ATP8B4: variants seen among roughly 807,000 people sequenced by gnomAD.
ATP8B4 encodes probable phospholipid-transporting ATPase IM.
ATP8B4 carries 133 observed loss-of-function variants against 145.6 expected under a neutral mutation model. That is an observed-to-expected ratio of 0.91 (90% CI 0.79 to 1.05). ATP8B4 has a LOEUF of 1.05. Ranked by LOEUF, ATP8B4 falls within the 50% of genes least tolerant of loss-of-function variation. The pLI is 0.00. For synonymous variants in ATP8B4, 507 were observed against 492.9 expected (o/e 1.03, Z -0.38); for missense variants, 1,458 against 1,425.2 (o/e 1.02, Z -0.37).
intron 1 of ATP8B4, among the ~76,000 whole-genome samples, chr15:50,180,228 T>C (rs1455311124): frequency 6.6e-6 from 1 of 152,080 alleles, no homozygotes; most frequent in Non-Finnish European, 1.5e-5. Context: ...TTCCTGTACT[T>C]CTCTCTGAAG....
At chr15:50,174,999 C>A (rs2044740966) in intron 1 of ATP8B4, among the ~76,000 whole-genome samples, 1 of 152,120 alleles carries the variant, frequency 6.6e-6, no homozygotes, top group African/African-American at 2.4e-5. Flanking sequence ...CAAATATTTA[C>A]AGCCAACTCA....
At chr15:49,971,801 A>T (rs1274870115) in intron 13 of ATP8B4, among the ~76,000 whole-genome samples, 1 of 152,162 alleles carries the variant, frequency 6.6e-6, no homozygotes, top group African/African-American at 2.4e-5. Context: ...AAATCATTCT[A>T]CTGTAAAGAC....
At chr15:50,093,030 G>A (rs576902632) in intron 2 of ATP8B4, among the ~76,000 whole-genome samples, 2 of 151,956 alleles carry the variant, frequency 1.3e-5, no homozygotes, top group African/African-American at 4.8e-5. Flanking sequence ...GTCAGTGGAG[G>A]CCTGAATGCA....
At chr15:50,056,689 A>G (rs1265307006) in intron 3 of ATP8B4, among the ~76,000 whole-genome samples, 2 of 145,450 alleles carry the variant, frequency 1.4e-5, no homozygotes, top group Non-Finnish European at 3.0e-5. Flanking sequence ...CAATATATGT[A>G]TATGTATATG....
At chr15:49,959,960 G>GA (rs1267822013) in intron 14 of ATP8B4, among the ~76,000 whole-genome samples, 5 of 149,308 alleles carry the variant, frequency 3.3e-5, no homozygotes, top group East Asian at 1.9e-4. Context: ...AAATCTAGGG[G>GA]AAAAAAAGAG....
At chr15:50,025,792 C>T (rs1441958948) in intron 6 of ATP8B4, among the ~76,000 whole-genome samples, 1 of 152,214 alleles carries the variant, frequency 6.6e-6, no homozygotes, top group Non-Finnish European at 1.5e-5. Context: ...TTTGGGTTGA[C>T]CTGCATTTGC....
upstream of ATP8B4, among the ~76,000 whole-genome samples, chr15:50,122,853 G>A (rs950735040): frequency 2.0e-5 from 3 of 152,144 alleles, no homozygotes; most frequent in Non-Finnish European, 4.4e-5. Flanking sequence ...AGAACATTGT[G>A]TAAATTACTC....
chr15:50,134,064 T>G (rs2044087846), intron 1 of ATP8B4, among the ~76,000 whole-genome samples: 1 of 152,214 alleles, frequency 6.6e-6, no homozygotes, highest in Admixed American at 6.5e-5. Flanking sequence ...ACAATGTATA[T>G]GTATATCAAA....
At chr15:50,009,944 G>A (rs2048601649) in intron 7 of ATP8B4, among the ~76,000 whole-genome samples, 1 of 152,172 alleles carries the variant, frequency 6.6e-6, no homozygotes, top group South Asian at 2.1e-4. Context: ...AGTCTCCTTA[G>A]TGTGGGTTGT....
intron 2 of ATP8B4, among the ~76,000 whole-genome samples, chr15:50,084,845 T>C (rs2054790422): frequency 6.6e-6 from 1 of 152,080 alleles, no homozygotes; most frequent in Non-Finnish European, 1.5e-5. Context: ...CCCTCCTGCC[T>C]CCCTCTGATA....
chr15:50,055,561 C>T (rs1369836551), intron 3 of ATP8B4, among the ~76,000 whole-genome samples: 1 of 152,116 alleles, frequency 6.6e-6, no homozygotes, highest in East Asian at 1.9e-4. Flanking sequence ...CATCATCCCA[C>T]ATTTGATGAA....
At chr15:49,867,452 T>G (rs757329808) in intron 25 of ATP8B4, among the ~76,000 whole-genome samples, 32 of 152,316 alleles carry the variant, frequency 2.1e-4, no homozygotes, top group Non-Finnish European at 4.3e-4. Flanking sequence ...TTTATAAAAG[T>G]ACAGCCTTTT....
intron 21 of ATP8B4, among the ~76,000 whole-genome samples, chr15:49,900,455 A>G (rs1431401436): frequency 6.6e-6 from 1 of 152,220 alleles, no homozygotes; most frequent in East Asian, 1.9e-4. Context: ...ACTGGAGCGT[A>G]ATTGGAGCTT....
At chr15:50,175,349 T>C (rs1024777091) in intron 1 of ATP8B4, among the ~76,000 whole-genome samples, 30 of 152,134 alleles carry the variant, frequency 2.0e-4, no homozygotes, top group African/African-American at 5.5e-4. Context: ...GCAGAGTAAA[T>C]AGACAATCCA....
At chr15:49,862,782 G>A (rs149451259) in intron 26 of ATP8B4, among the ~76,000 whole-genome samples, 125 of 152,212 alleles carry the variant, frequency 8.2e-4, no homozygotes, top group African/African-American at 2.6e-3. Context: ...GTGAGATTTG[G>A]ATCACCTAAT....
intron 9 of ATP8B4, among the ~76,000 whole-genome samples, chr15:49,993,384 G>A (rs982216008): frequency 4.6e-5 from 7 of 151,920 alleles, no homozygotes; most frequent in Non-Finnish European, 1.0e-4. Flanking sequence ...TAGTGTGTGT[G>A]TGTGTGTCAG....
At chr15:50,142,126 C>G (rs1475944572) in intron 1 of ATP8B4, among the ~76,000 whole-genome samples, 1 of 152,152 alleles carries the variant, frequency 6.6e-6, no homozygotes, top group Non-Finnish European at 1.5e-5. Flanking sequence ...ACTAGAAACA[C>G]TGGTTGTGTG....
chr15:50,038,198 C>T (rs1038152735), intron 6 of ATP8B4, among the ~76,000 whole-genome samples: 6 of 152,122 alleles, frequency 3.9e-5, no homozygotes, highest in Admixed American at 3.3e-4. Context: ...TTTTTGCAGT[C>T]GTTTGTGGAT....
At chr15:50,166,602 C>T (rs1313438375) in intron 1 of ATP8B4, among the ~76,000 whole-genome samples, 1 of 152,166 alleles carries the variant, frequency 6.6e-6, no homozygotes, top group Non-Finnish European at 1.5e-5. Context: ...CTGACTGGAC[C>T]AGGACCATGC....
Sources: gnomAD v4.1 joint callset for allele counts (sites outside exome capture counted in the v4.1 genomes callset) on GRCh38, gnomAD v4.1.1 for gene constraint, MANE v1.5 for transcripts, NCBI Gene and HGNC (gene_info 2026-07-23, HGNC 2026-07-21) for gene names.